SLC26A7: variants seen among roughly 807,000 people sequenced by gnomAD.
SLC26A7 encodes anion exchange transporter.
SLC26A7 carries 59 observed loss-of-function variants against 82.5 expected under a neutral mutation model. That is an observed-to-expected ratio of 0.72 (90% CI 0.58 to 0.89). SLC26A7 has a LOEUF of 0.89. Among genes scored for constraint, SLC26A7 ranks in the 40% least tolerant of loss-of-function variants. SLC26A7 has a pLI of 0.00. For missense variants in SLC26A7, 820 were observed against 793.0 expected, an observed-to-expected ratio of 1.03 and a Z score of -0.41; for synonymous variants, 271 against 274.3, an observed-to-expected ratio of 0.99 and a Z score of 0.12.
At chr8:91,343,558 G>A in intron 9 of SLC26A7, 92 bp downstream of exon 9, 1 of 805,698 alleles carries the variant, frequency 1.2e-6, no homozygotes. Flanking sequence ...TTAAAGCCCT[G>A]AAACTATTTT....
At chr8:91,241,736 A>T (rs1270850741) in intron 2 of SLC26A7, among the ~76,000 whole-genome samples, 1 of 152,302 alleles carries the variant, frequency 6.6e-6, no homozygotes, top group African/African-American at 2.4e-5. Flanking sequence ...TGCAAGGAAG[A>T]GGGAACCCTA....
chr8:91,352,776 C>G (rs982009542), intron 10 of SLC26A7, 125 bp from the exon 11 acceptor site: 15 of 640,286 alleles, frequency 2.3e-5, no homozygotes, highest in African/African-American at 2.3e-4. Flanking sequence ...CTTTTGTCTT[C>G]TAATCGGTGA....
At chr8:91,363,181 T>A (rs1412031894) in intron 12 of SLC26A7, among the ~76,000 whole-genome samples, 5 of 152,082 alleles carry the variant, frequency 3.3e-5, no homozygotes, top group African/African-American at 1.2e-4. Flanking sequence ...CAATATTTTA[T>A]CAATACTGCA....
chr8:91,394,609 TA>T (rs1167149315), intron 18 of SLC26A7: 27 of 1,159,484 alleles, frequency 2.3e-5, no homozygotes, highest in Non-Finnish European at 2.8e-5. Context: ...TCCTCACCCC[TA>T]GAATAACATT....
chr8:91,256,178 G>A (rs1381515013), intron 2 of SLC26A7, among the ~76,000 whole-genome samples: 2 of 152,090 alleles, frequency 1.3e-5, no homozygotes, highest in African/African-American at 2.4e-5. Context: ...ATCTAGCAAC[G>A]AAACCAGATT....
At chr8:91,301,854 T>C (rs1812176099) in intron 4 of SLC26A7, among the ~76,000 whole-genome samples, 1 of 152,066 alleles carries the variant, frequency 6.6e-6, no homozygotes, top group Non-Finnish European at 1.5e-5. Flanking sequence ...AATTTTCCTA[T>C]GCTAATTGTT....
rs774344126 is a variant in SLC26A7 at position 91,289,188 on chromosome 8, GTC to G, written c.250_251del (p.Leu84ValfsTer47). On this transcript the variant is annotated frameshift_variant, in exon 3 of 19. Transcript: ENST00000276609. LOFTEE classifies it high-confidence loss of function. The part of the protein sequence containing the change: ...SVHPVFGLYG[S>X]LFPAIIYAIF... ...TGCACCCAGTGTTTGGTTTATATGG[GTC>G]TCTGTTTCCTGCCATAATTTATGCC... The G allele has an allele frequency of 1.2e-6, 2 of 1,613,822 alleles. No homozygotes were observed. The highest frequency in any genetic ancestry group is 1.7e-6 in the Non-Finnish European group (2 of 1,179,970).
rs111524360 is a variant in SLC26A7, at chr8:91,285,895, G to A, written c.194-3241G>A. The stretch of plus-strand genomic sequence containing the variant: ...ATTGTAGCACCAATTTCTAATTCAG[G>A]TACATTACTCAATTTCTAAACTCCA... On this transcript the variant is annotated intron_variant, in intron 2 of 18. Transcript: ENST00000276609. Among the ~76,000 whole-genome samples the A allele has an allele frequency of 3.9e-3, 594 of 152,184 alleles. 1 individual carries two copies. The highest frequency in any genetic ancestry group is 9.3e-3 in the South Asian group (45 of 4,828).
intron 2 of SLC26A7, among the ~76,000 whole-genome samples, chr8:91,277,963 T>A (rs1811451184): frequency 6.6e-6 from 1 of 151,960 alleles, no homozygotes; most frequent in South Asian, 2.1e-4. Flanking sequence ...GAGGGAGAGA[T>A]GAGAGGATGC....
intron 11 of SLC26A7, among the ~76,000 whole-genome samples, chr8:91,359,983 C>A (rs186883731): frequency 6.6e-6 from 1 of 152,050 alleles, no homozygotes; most frequent in East Asian, 1.9e-4. Flanking sequence ...AACTGTTGCA[C>A]CTCTTTACAT....
At chr8:91,287,436 G>A (rs573241225) in intron 2 of SLC26A7, among the ~76,000 whole-genome samples, 19 of 152,254 alleles carry the variant, frequency 1.2e-4, no homozygotes, top group South Asian at 2.1e-4. Flanking sequence ...TTTATGTTAC[G>A]TTTGCCTGTT....
intron 16 of SLC26A7, among the ~76,000 whole-genome samples, chr8:91,389,742 C>G (rs1814901979): frequency 6.6e-6 from 1 of 152,102 alleles, no homozygotes; most frequent in Non-Finnish European, 1.5e-5. Context: ...AGTCAATTTA[C>G]AAGGATTCTA....
At chr8:91,382,419 A>G (rs535977657) in intron 15 of SLC26A7, among the ~76,000 whole-genome samples, 3 of 152,304 alleles carry the variant, frequency 2.0e-5, no homozygotes, top group African/African-American at 4.8e-5. Context: ...CTAAGCCTCT[A>G]TTTGGATTCT....
At chr8:91,326,995 G>A (rs1369212126) in intron 5 of SLC26A7, among the ~76,000 whole-genome samples, 2 of 152,052 alleles carry the variant, frequency 1.3e-5, no homozygotes, top group Non-Finnish European at 2.9e-5. Context: ...GGCCCACCCA[G>A]GTAATTTTAG....
chr8:91,272,094 G>A (rs888844104), intron 2 of SLC26A7, among the ~76,000 whole-genome samples: 3 of 152,150 alleles, frequency 2.0e-5, no homozygotes, highest in Non-Finnish European at 4.4e-5. Flanking sequence ...GAACTTCTTA[G>A]TTTGATTCTA....
chr8:91,317,319 A>G (rs1812665345), intron 4 of SLC26A7, among the ~76,000 whole-genome samples: 2 of 152,188 alleles, frequency 1.3e-5, no homozygotes, highest in African/African-American at 2.4e-5. Context: ...ATGAAAAGTA[A>G]GGAATGTTGA....
chr8:91,346,334 T>TTACATAACATAA (rs1305621947), intron 9 of SLC26A7, among the ~76,000 whole-genome samples: 7 of 152,162 alleles, frequency 4.6e-5, no homozygotes, highest in African/African-American at 1.7e-4. Context: ...TGGGTAAAAC[T>TTACATAACATAA]GATAACTGAC....
intron 6 of SLC26A7, among the ~76,000 whole-genome samples, chr8:91,337,481 C>T (rs945243017): frequency 6.6e-6 from 1 of 151,962 alleles, no homozygotes; most frequent in African/African-American, 2.4e-5. Flanking sequence ...GAACTGGGCT[C>T]TGATATGTAT....
chr8:91,317,985 AAT>A (rs1203971903), intron 4 of SLC26A7, among the ~76,000 whole-genome samples: 9 of 147,238 alleles, frequency 6.1e-5, no homozygotes, highest in African/African-American at 2.5e-5. Context: ...AAACAAAAAA[AAT>A]AAAATAAAAT....
Sources: gnomAD v4.1 joint callset for allele counts (sites outside exome capture counted in the v4.1 genomes callset) on GRCh38, gnomAD v4.1.1 for gene constraint, MANE v1.5 for transcripts, NCBI Gene and HGNC (gene_info 2026-07-23, HGNC 2026-07-21) for gene names.